Variants in JADE2 observed in about 807,000 individuals in gnomAD.
JADE2 encodes the protein jade family PHD finger 2.
Under a neutral mutation model 85.7 loss-of-function variants are expected in JADE2, and 13 were observed. The ratio of observed to expected loss-of-function variants is 0.15; its 90% confidence interval spans 0.10 to 0.24. The LOEUF (loss-of-function observed/expected upper bound fraction) is 0.24. Among genes scored for constraint, JADE2 ranks in the 10% least tolerant of loss-of-function variants. The probability of loss-of-function intolerance (pLI) is 1.00; values close to 1 mark genes in which losing one functional copy is unlikely to be tolerated. For synonymous variants in JADE2, 440 were observed against 456.1 expected, an observed-to-expected ratio of 0.96 and a Z score of 0.45; for missense variants, 846 against 1,115.9, an observed-to-expected ratio of 0.76 and a Z score of 3.45.
At chr5:134,575,689 C>T (rs764143935) in intron 10 of JADE2, 1 of 149,088 alleles carries the variant, frequency 6.7e-6, no homozygotes, top group Non-Finnish European at 1.5e-5. Flanking sequence ...GGGAAGATCA[C>T]TTGAAGCCAG....
intron 1 of JADE2, chr5:134,526,411 G>C (rs1760823475): frequency 2.0e-6 from 2 of 985,320 alleles, no homozygotes; most frequent in African/African-American, 1.7e-5. Flanking sequence ...GGGCGTAGGG[G>C]CTGCGGCGGG....
chr5:134,561,310 C>T (rs4958190), intron 6 of JADE2, among the ~76,000 whole-genome samples: 63,837 of 152,076 alleles, frequency 0.42, 13,973 homozygotes, highest in Non-Finnish European at 0.47. Context: ...GATTTCAAAT[C>T]GTGGCTCTGC....
upstream of JADE2, among the ~76,000 whole-genome samples, chr5:134,525,296 G>A (rs1223453172): frequency 6.6e-6 from 1 of 152,040 alleles, no homozygotes; most frequent in Non-Finnish European, 1.5e-5. Flanking sequence ...AGTGTGAGCA[G>A]ACCTGATGGG....
At chr5:134,539,043 TTTTATTTATTTATTTA>T (rs58839611) in intron 3 of JADE2, among the ~76,000 whole-genome samples, 47 of 134,416 alleles carry the variant, frequency 3.5e-4, no homozygotes, top group Admixed American at 3.1e-3. Context: ...TTTATTTTTA[TTTTATTTATTTATTTA>T]TTTATTTATT....
intron 9 of JADE2, among the ~76,000 whole-genome samples, chr5:134,570,334 C>G (rs767249163): frequency 6.6e-6 from 1 of 152,306 alleles, no homozygotes; most frequent in East Asian, 1.9e-4. Context: ...TTCCTTCCCC[C>G]ACAGGGGCTC....
intron 1 of JADE2, chr5:134,533,654 C>CGCTGG (rs1338294242): frequency 1.6e-5 from 14 of 861,320 alleles, no homozygotes; most frequent in African/African-American, 1.8e-5. Context: ...AGCTGGGTTG[C>CGCTGG]GCTGGGCTGG....
At chr5:134,554,247 C>T (rs1170671400) in intron 4 of JADE2, among the ~76,000 whole-genome samples, 1 of 152,116 alleles carries the variant, frequency 6.6e-6, no homozygotes, top group Non-Finnish European at 1.5e-5. Context: ...TCCAGTGACT[C>T]CTGATGGCTG....
Position 134,579,494 on chromosome 5 carries a change from G to C in JADE2, c.*177G>C, listed in dbSNP as rs1485534063. The C allele has an allele frequency of 3.3e-6, 2 of 604,132 alleles. No individual in the cohort carries two copies. The highest frequency in any genetic ancestry group is 2.8e-5 in the East Asian group (1 of 36,004). The allele number at this position is 604,132 out of a possible 1,614,324, so 37.4% of individuals were successfully genotyped here. ...AATTCTACACTGTTGTCTTTCCTCT[G>C]TGCTGGCCTAGGACATTAGGATTCC... is the stretch of plus-strand genomic sequence containing the variant. On this transcript the variant is annotated 3_prime_UTR_variant, in exon 12 of 12. Coordinates refer to ENST00000681547, the MANE Select transcript of JADE2 (RefSeq NM_001388185.1). The surrounding 1 kb of genome is among the most constrained non-coding windows in gnomAD (Gnocchi z 4.6).
At chr5:134,547,423 A>C (rs1762357523) in intron 3 of JADE2, among the ~76,000 whole-genome samples, 1 of 152,274 alleles carries the variant, frequency 6.6e-6, no homozygotes, top group Non-Finnish European at 1.5e-5. Flanking sequence ...ATTTCTGCCA[A>C]AAGAGAGAAA....
intron 8 of JADE2, among the ~76,000 whole-genome samples, chr5:134,565,602 T>C (rs1763591893): frequency 1.3e-5 from 2 of 152,114 alleles, no homozygotes; most frequent in South Asian, 2.1e-4. Context: ...CCCAGCACTT[T>C]GGGAGGCCGA....
In JADE2 at chr5:134,580,511, C is replaced by T. The variant is rs1247719876; in HGVS notation, c.*1194C>T. On this transcript the variant is annotated 3_prime_UTR_variant, in exon 12 of 12. Transcript: ENST00000681547. ...CCCAGGTAGTTGCTCTGAAGAGTTT[C>T]AGTAGAGTGGCCCCAGGGTGATAGC... 11 of 143,812 alleles carry T rather than the reference C, an allele frequency of 7.6e-5. No homozygotes were observed. Among genetic ancestry groups the T allele is most frequent in the African/African-American group, 2.8e-4 (11 of 38,936 alleles). 8.9% of individuals were successfully genotyped at this position (143,812 alleles called of 1,614,324 possible). A position where few individuals can be genotyped will look rare whatever the true frequency, so the allele number is the denominator to read the frequency against.
At chr5:134,550,620 A>C (rs1230022922) in intron 3 of JADE2, among the ~76,000 whole-genome samples, 2 of 152,196 alleles carry the variant, frequency 1.3e-5, no homozygotes, top group African/African-American at 4.8e-5. Flanking sequence ...TCACTGGGAA[A>C]GTTGGTACCT....
chr5:134,569,096 A>G (rs1012644381), intron 9 of JADE2, among the ~76,000 whole-genome samples: 1 of 152,256 alleles, frequency 6.6e-6, no homozygotes, highest in Non-Finnish European at 1.5e-5. Flanking sequence ...TAAAATGGGA[A>G]TAAGGATCAG....
chr5:134,578,506 C>A lies in JADE2; in HGVS notation c.1694C>A (p.Thr565Asn). 6.3e-7 allele frequency: 1 copy of A among 1,586,698 alleles called. No homozygotes were observed. Among genetic ancestry groups the A allele is most frequent in the South Asian group, 1.2e-5 (1 of 86,770 alleles). ...TCTCTCCCCTCAGCAGGCCTGTCCACCTCATTCCCCATCGATGGCACCTTC... is the reference window on the plus strand; with the variant it reads ...TCTCTCCCCTCAGCAGGCCTGTCCAACTCATTCCCCATCGATGGCACCTTC... ...SVLGQLAGLS[T>N]SFPIDGTFFN... is the part of the protein sequence containing the mutation. Residue 565 changes from threonine (T) to asparagine (N), a missense_variant, in exon 12 of 12, where the codon ACC (threonine) becomes AAC (asparagine). Physicochemically the swap from Thr to Asn is moderately conservative, Grantham distance 65. Coordinates refer to ENST00000681547, the MANE Select transcript of JADE2 (RefSeq NM_001388185.1). This position sits in a 1 kb window ranked among gnomAD's most constrained non-coding sequence, Gnocchi z 4.4.
chr5:134,569,634 G>T (rs1763869753), intron 9 of JADE2, among the ~76,000 whole-genome samples: 1 of 152,146 alleles, frequency 6.6e-6, no homozygotes, highest in Non-Finnish European at 1.5e-5. Flanking sequence ...GTTTATTTGG[G>T]AGCCTGACCT....
At chr5:134,567,104 G>A (rs994129712) in intron 9 of JADE2, among the ~76,000 whole-genome samples, 3 of 152,214 alleles carry the variant, frequency 2.0e-5, no homozygotes, top group Non-Finnish European at 4.4e-5. Flanking sequence ...ATGGGTAAAC[G>A]CGGCTCCGTG....
In JADE2 at chr5:134,578,470, C is replaced by A; in HGVS notation, c.1682-24C>A. Reference sequence around the variant, plus strand: ...GTGGGACACACGTCTGCTGGCGTCTCACTTGCCTCCTCTCTCCCCTCAGCA... The same window carrying A: ...GTGGGACACACGTCTGCTGGCGTCTAACTTGCCTCCTCTCTCCCCTCAGCA... On this transcript the variant is annotated intron_variant, in intron 11 of 11. Coordinates refer to ENST00000681547, the MANE Select transcript of JADE2 (RefSeq NM_001388185.1). The surrounding 1 kb of genome is among the most constrained non-coding windows in gnomAD (Gnocchi z 4.4). The A allele has an allele frequency of 6.5e-7, 1 of 1,531,918 alleles. No individual in the cohort carries two copies. Among genetic ancestry groups the A allele is most frequent in the South Asian group, 1.2e-5 (1 of 81,090 alleles). The allele number at this position is 1,531,918 out of a possible 1,614,324, so 94.9% of individuals were successfully genotyped here. A position where few individuals can be genotyped will look rare whatever the true frequency, so the allele number is the denominator to read the frequency against.
intron 3 of JADE2, among the ~76,000 whole-genome samples, chr5:134,545,184 C>A (rs1021845368): frequency 3.3e-5 from 5 of 152,206 alleles, no homozygotes; most frequent in Admixed American, 2.6e-4. Context: ...TTGGGGCGAG[C>A]CCTTCCGCTA....
At position 134,581,480 on chromosome 5, in the gene JADE2, T is replaced by C. The variant is rs1764708970; in HGVS notation, c.*2163T>C. 1 of 152,618 alleles carries C rather than the reference T, an allele frequency of 6.6e-6. No individual in the cohort carries two copies. Among genetic ancestry groups the C allele is most frequent in the African/African-American group, 2.4e-5 (1 of 41,442 alleles). 9.5% of individuals were successfully genotyped at this position (152,618 alleles called of 1,614,324 possible). Reference sequence around the variant, plus strand: ...GCCAGGGGTCCCAGAAAGCCCAGGGTCCAGCAGTCTCAGCACTTGGCCCCT... The same window carrying C: ...GCCAGGGGTCCCAGAAAGCCCAGGGCCCAGCAGTCTCAGCACTTGGCCCCT... On this transcript the variant is annotated 3_prime_UTR_variant, in exon 12 of 12. Transcript: ENST00000681547.
Sources: gnomAD v4.1 joint callset for allele counts (sites outside exome capture counted in the v4.1 genomes callset) on GRCh38, gnomAD v4.1.1 for gene constraint, Gnocchi (gnomAD v3.1) non-coding constraint, MANE v1.5 for transcripts, NCBI Gene and HGNC (gene_info 2026-07-23, HGNC 2026-07-21) for gene names.